Variants in RNF17 observed in about 807,000 individuals in gnomAD.
The protein encoded by RNF17 is ring finger protein 17.
In RNF17, 31 loss-of-function variants were observed where a neutral mutation model predicts 200.5. The ratio of observed to expected loss-of-function variants is 0.15; its 90% CI spans 0.12 to 0.21. The LOEUF is 0.21. RNF17 is among the 10% of genes least tolerant of loss of function. RNF17 has a pLI of 1.00. For missense variants in RNF17, 1,628 were observed against 1,905.1 expected, an observed-to-expected ratio of 0.85 and a Z score of 2.71; for synonymous variants, 606 against 637.8, an observed-to-expected ratio of 0.95 and a Z score of 0.75.
chr13:24,861,959 TGTG>T (rs1215940162), intron 27 of RNF17, among the ~76,000 whole-genome samples: 1 of 152,154 alleles, frequency 6.6e-6, no homozygotes, highest in Non-Finnish European at 1.5e-5. Context: ...AACTTACAGT[TGTG>T]GTGGACGGCG....
intron 18 of RNF17, among the ~76,000 whole-genome samples, chr13:24,834,102 C>T (rs1347601862): frequency 2.6e-5 from 4 of 151,496 alleles, no homozygotes; most frequent in Admixed American, 6.6e-5. Context: ...TTTTTTTCAA[C>T]TCCTGGTAAA....
At chr13:24,840,596 T>G (rs577658586) in intron 18 of RNF17, among the ~76,000 whole-genome samples, 20 of 152,254 alleles carry the variant, frequency 1.3e-4, no homozygotes, top group African/African-American at 4.3e-4. Context: ...TTAACAGCAT[T>G]TGCAGTGACT....
In RNF17 at chr13:24,767,287, T is replaced by C; in HGVS notation, c.146T>C (p.Leu49Pro). ...TCATCAATAGGTCACCATTGTGAAC[T>C]TCAATGTGGACATGCTTTTTGTGAA... is the stretch of plus-strand genomic sequence containing the variant. ...VSRSSGHHCE[L>P]QCGHAFCELC... The change falls in exon 2 of 36, where the codon CTT becomes CCT. Residue 49 changes from leucine (L) to proline (P), a missense_variant. By Grantham distance (98) the Leu-to-Pro change is moderately conservative. Around this residue, in one of 5 missense-constraint regions of RNF17, gnomAD observed 502 missense variants for 501.7 expected, o/e 1.00. Coordinates refer to ENST00000255324, the MANE Select transcript of RNF17 (RefSeq NM_031277.3). 6.2e-7 allele frequency: 1 copy of C among 1,606,328 alleles called. No individual in the cohort carries two copies.
intron 15 of RNF17, among the ~76,000 whole-genome samples, chr13:24,814,281 T>C (rs1887132691): frequency 6.6e-6 from 1 of 152,218 alleles, no homozygotes; most frequent in Admixed American, 6.5e-5. Context: ...TGGAACTGCG[T>C]AGTTCAAAGG....
chr13:24,832,644 C>T (rs955188808), intron 18 of RNF17, among the ~76,000 whole-genome samples: 7 of 152,114 alleles, frequency 4.6e-5, no homozygotes, highest in African/African-American at 1.7e-4. Context: ...GATACATATA[C>T]ACGATAGGTG....
intron 15 of RNF17, among the ~76,000 whole-genome samples, chr13:24,815,771 G>A (rs1356845392): frequency 6.6e-6 from 1 of 152,024 alleles, no homozygotes; most frequent in Non-Finnish European, 1.5e-5. Context: ...GAGTGTTTTT[G>A]TCAAGAAAGG....
rs7998966 is a variant in RNF17, at chr13:24,796,647, G to A, written c.1399+352G>A. 2.7e-3 allele frequency among the ~76,000 whole-genome samples: 415 copies of A among 152,168 alleles called. 4 individuals are homozygous for A. The highest frequency in any genetic ancestry group is 9.6e-3 in the African/African-American group (400 of 41,520). ...CTTGTGTAACTCCAGTCTCTTGCTC[G>A]CCATGTGTGAGTGTTGGGGCTAGCA... On this transcript the variant is annotated intron_variant, in intron 11 of 35. Transcript: ENST00000255324.
At chr13:24,842,862 C>T (rs1449893220) in intron 19 of RNF17, among the ~76,000 whole-genome samples, 1 of 151,866 alleles carries the variant, frequency 6.6e-6, no homozygotes, top group Non-Finnish European at 1.5e-5. Flanking sequence ...GCGTGCGTGC[C>T]TATAGTCCCA....
intron 16 of RNF17, among the ~76,000 whole-genome samples, chr13:24,829,325 C>G (rs895992834): frequency 6.6e-6 from 1 of 152,194 alleles, no homozygotes; most frequent in Non-Finnish European, 1.5e-5. Flanking sequence ...CCATGTCTGA[C>G]TCTGTTCTCA....
rs745993954 is a variant in RNF17 at position 24,844,923 on chromosome 13, GTTGT to G, written c.2983-33_2983-30del. The G allele has an allele frequency of 1.9e-5, 29 of 1,556,286 alleles. No individual in the cohort carries two copies. In the African/African-American group the frequency reaches 3.3e-4, roughly 18 times the overall value. On this transcript the variant is annotated intron_variant, in intron 21 of 35. Coordinates refer to ENST00000255324, the MANE Select transcript of RNF17 (RefSeq NM_031277.3). ...GTTTGCCAAAAAAATATTTCGAAAT[GTTGT>G]TTGTCTGTAGACTTAAAGTTATTAT...
Position 24,793,282 on chromosome 13 carries a change from G to A in RNF17, c.1176G>A (p.Val392=), listed in dbSNP as rs948250186. ...VATASPKTIA[V]LPQMGSSPDV... ...CAGCATCCCCTAAAACCATTGCTGT[G>A]TTACCTCAGATGGGATCTAGCCCTG... Residue 392 remains valine (V), a synonymous_variant, in exon 10 of 36, where the codon GTG becomes GTA. Coordinates refer to ENST00000255324, the MANE Select transcript of RNF17 (RefSeq NM_031277.3). The A allele has an allele frequency of 6.2e-7, 1 of 1,613,782 alleles. No individual in the cohort carries two copies. Among genetic ancestry groups the A allele is most frequent in the East Asian group, 2.2e-5 (1 of 44,876 alleles).
At chr13:24,781,140 A>G (rs770376974) in intron 5 of RNF17, among the ~76,000 whole-genome samples, 8 of 152,168 alleles carry the variant, frequency 5.3e-5, no homozygotes, top group Non-Finnish European at 1.0e-4. Context: ...TTAAAACTTC[A>G]AAAATACTAA....
intron 10 of RNF17, 139 bp from the exon 11 acceptor site, chr13:24,795,998 T>G (rs1884520241): frequency 2.0e-6 from 1 of 507,792 alleles, no homozygotes; most frequent in Non-Finnish European, 3.4e-6. Flanking sequence ...CTTGCACTAC[T>G]TCCTGGGGCC....
chr13:24,771,179 C>T (rs756647025), intron 2 of RNF17, among the ~76,000 whole-genome samples: 2 of 152,062 alleles, frequency 1.3e-5, no homozygotes, highest in Non-Finnish European at 2.9e-5. Flanking sequence ...GAGACAGGGT[C>T]TTGCTCTGTT....
At position 24,781,925 on chromosome 13, in the gene RNF17, T is replaced by C. The variant is rs772579180; in HGVS notation, c.592T>C (p.Leu198=). 10 of 1,609,614 alleles carry C rather than the reference T, an allele frequency of 6.2e-6. No homozygotes were observed. The highest frequency in any genetic ancestry group is 3.3e-5 in the South Asian group (3 of 90,370). ...TGTGGAGAAACAGTTTGACCAACTT[T>C]TGGCTTTTTTTGATTCCAGGTTAGT... ...EVVEKQFDQL[L]AFFDSRKKNL... Residue 198 remains leucine (L), a synonymous_variant, in exon 6 of 36, where the codon TTG becomes CTG. Coordinates refer to ENST00000255324, the MANE Select transcript of RNF17 (RefSeq NM_031277.3).
In RNF17 at chr13:24,825,791, T is replaced by C. The variant is rs1888561553; in HGVS notation, c.2245+19T>C. ...GTTATCGGTAGGAGAATGCATGCTG[T>C]TTCTACAGGGAGATGTCATACTTCA... On this transcript the variant is annotated intron_variant, in intron 16 of 35. Coordinates refer to ENST00000255324, the MANE Select transcript of RNF17 (RefSeq NM_031277.3). The C allele has an allele frequency of 1.2e-6, 2 of 1,606,896 alleles. No individual in the cohort carries two copies. The highest frequency in any genetic ancestry group is 4.5e-5 in the East Asian group (2 of 44,754).
intron 15 of RNF17, among the ~76,000 whole-genome samples, chr13:24,813,013 C>T (rs1439105971): frequency 6.6e-6 from 1 of 152,012 alleles, no homozygotes; most frequent in Non-Finnish European, 1.5e-5. Flanking sequence ...GAAATGGTAT[C>T]ACTTTGTGAT....
intron 16 of RNF17, among the ~76,000 whole-genome samples, chr13:24,828,260 GCAC>G (rs1314125922): frequency 1.3e-5 from 2 of 151,444 alleles, no homozygotes; most frequent in African/African-American, 4.9e-5. Context: ...ATTTCTATTA[GCAC>G]CACTTTTGGG....
chr13:24,758,023 T>C, the RNF17 span, among the ~76,000 whole-genome samples: 579 of 152,336 alleles, frequency 3.8e-3, no homozygotes, highest in Non-Finnish European at 6.7e-3. Context: ...GCTCCCACCA[T>C]GTAAGACACG....
Sources: gnomAD v4.1 joint callset for allele counts (sites outside exome capture counted in the v4.1 genomes callset) on GRCh38, gnomAD v4.1.1 for gene constraint, gnomAD v4.1.1 regional missense constraint, MANE v1.5 for transcripts, NCBI Gene and HGNC (gene_info 2026-07-23, HGNC 2026-07-21) for gene names.